Variants in FREM2 observed in about 807,000 individuals in gnomAD.
The protein encoded by FREM2 is FRAS1 related extracellular matrix 2, also known as FRAS1-related extracellular matrix protein 2.
A neutral mutation model predicts 219.9 loss-of-function variants in FREM2; 119 were observed. The ratio of observed to expected loss-of-function variants is 0.54; its 90% CI spans 0.47 to 0.63. The LOEUF is 0.63. Ranked by LOEUF, FREM2 falls within the 30% of genes least tolerant of loss-of-function variation. The probability of loss-of-function intolerance (pLI) is 0.00; values close to 1 mark genes in which losing one functional copy is unlikely to be tolerated. For missense variants in FREM2, 4,030 were observed against 3,993.6 expected, an observed-to-expected ratio of 1.01 and a Z score of -0.25; for synonymous variants, 1,562 against 1,522.8, an observed-to-expected ratio of 1.03 and a Z score of -0.60.
chr13:38,692,609 C>T (rs1392880063), intron 1 of FREM2, 92 bp downstream of exon 1: 3 of 1,438,248 alleles, frequency 2.1e-6, no homozygotes, highest in Admixed American at 1.7e-5. Context: ...AATTAGAGTC[C>T]AAGAGAAGGA....
rs530758480 is a variant in FREM2 at position 38,867,531 on chromosome 13, C to T, written c.7983+2925C>T. Among the ~76,000 whole-genome samples, 14 of 152,202 alleles carry T rather than the reference C, an allele frequency of 9.2e-5. No homozygotes were observed. The South Asian group carries it at 1.5e-3, about 16-fold the overall frequency. On this transcript the variant is annotated intron_variant, in intron 16 of 23. Transcript: ENST00000280481. ...TCAGGGTTCTCCCCAGAGACAGAAC[C>T]AATAGAATAGATAGATGAGAAGGGA...
rs377575271 is a variant in FREM2 at position 38,691,722 on chromosome 13, A to G, written c.4378A>G (p.Ile1460Val). The stretch of plus-strand genomic sequence containing the variant: ...TCCTGATGAAAACTTGGTTTTTACC[A>G]TCACCAGGGCTCCCATGCGAGGTCA... ...NSPDENLVFT[I>V]TRAPMRGHLE... Residue 1460 changes from isoleucine (I) to valine (V), a missense_variant, in exon 1 of 24, where the codon ATC becomes GTC. Physicochemically the swap from Ile to Val is conservative, Grantham distance 29. Around this residue, in one of 2 missense-constraint regions of FREM2, gnomAD observed 3,102 missense variants for 2,950.7 expected, o/e 1.05. Transcript: ENST00000280481. The G allele has an allele frequency of 4.3e-5, 70 of 1,613,588 alleles. No homozygotes were observed. Among genetic ancestry groups the G allele is most frequent in the East Asian group, 8.9e-5 (4 of 44,886 alleles).
At position 38,857,950 on chromosome 13, in the gene FREM2, G is replaced by T. The variant is rs1468314336; in HGVS notation, c.7132G>T (p.Val2378Leu). ...DVTFPSVPQIVSLLMYDDTSK... is the reference protein window; with the variant it reads ...DVTFPSVPQILSLLMYDDTSK... ...CACTTTTCCTTCTGTCCCTCAAATT[G>T]TATCCCTGTTGATGTATGACGACAC... Residue 2378 changes from valine (V) to leucine (L), a missense_variant, in exon 13 of 24, where the codon GTA (valine) becomes TTA (leucine). By Grantham distance (32) the Val-to-Leu change is conservative (BLOSUM62 1). Coordinates refer to ENST00000280481, the MANE Select transcript of FREM2 (RefSeq NM_207361.6). 6.2e-6 allele frequency: 10 copies of T among 1,613,774 alleles called. No individual in the cohort carries two copies. The highest frequency in any genetic ancestry group is 5.5e-5 in the South Asian group (5 of 91,074).
Position 38,689,747 on chromosome 13 carries a change from G to A in FREM2, c.2403G>A (p.Gln801=), listed in dbSNP as rs145526450. 6.2e-7 allele frequency: 1 copy of A among 1,613,272 alleles called. No individual in the cohort carries two copies. Among genetic ancestry groups the A allele is most frequent in the African/African-American group, 1.3e-5 (1 of 74,916 alleles). ...TGGGCGTGGCTACTCGAGTGGCCCAGTTCCAGTTCCAGGTGGAAGACCGAG... is the reference window on the plus strand; with the variant it reads ...TGGGCGTGGCTACTCGAGTGGCCCAATTCCAGTTCCAGGTGGAAGACCGAG... ...QELGVATRVA[Q]FQFQVEDRAG... Residue 801 remains glutamine (Q), a synonymous_variant, in exon 1 of 24, where the codon CAG becomes CAA. Transcript: ENST00000280481.
chr13:38,784,952 A>G, intron 6 of FREM2, 144 bp downstream of exon 6: 3 of 923,354 alleles, frequency 3.2e-6, no homozygotes, highest in Non-Finnish European at 4.8e-6. Flanking sequence ...ATTAGGTTTC[A>G]AAGTTGGCTG....
intron 2 of FREM2, among the ~76,000 whole-genome samples, chr13:38,751,537 C>A (rs1872767531): frequency 6.6e-6 from 1 of 152,118 alleles, no homozygotes; most frequent in South Asian, 2.1e-4. Flanking sequence ...ATCCTCCATC[C>A]ACAGACCCTT....
chr13:38,761,847 G>C (rs1251805606), intron 2 of FREM2, among the ~76,000 whole-genome samples: 4 of 152,170 alleles, frequency 2.6e-5, no homozygotes, highest in African/African-American at 9.7e-5. Flanking sequence ...GGAGCTGCAA[G>C]AATCTTGGCT....
chr13:38,784,419 G>A (rs543578516), intron 5 of FREM2, 138 bp from the exon 6 acceptor site: 19 of 823,494 alleles, frequency 2.3e-5, no homozygotes, highest in East Asian at 1.0e-4. Context: ...AGAACAGTAC[G>A]TAGTTGCTAT....
At chr13:38,809,566 C>T (rs1259221488) in intron 6 of FREM2, among the ~76,000 whole-genome samples, 1 of 152,022 alleles carries the variant, frequency 6.6e-6, no homozygotes, top group East Asian at 1.9e-4. Context: ...TTTCCCAGAA[C>T]AATTTATTGA....
chr13:38,736,895 C>G (rs934027227), intron 2 of FREM2, among the ~76,000 whole-genome samples: 8 of 148,448 alleles, frequency 5.4e-5, no homozygotes, highest in African/African-American at 2.0e-4. Context: ...CTTTTTTTTT[C>G]TTTCTGTTTT....
rs1352225307 is a variant in FREM2, at chr13:38,878,338, A to G, written c.8859+17A>G. 1 of 1,588,890 alleles carries G rather than the reference A, an allele frequency of 6.3e-7. No homozygotes were observed. The highest frequency in any genetic ancestry group is 8.6e-7 in the Non-Finnish European group (1 of 1,160,646). On this transcript the variant is annotated intron_variant, in intron 22 of 23. Coordinates refer to ENST00000280481, the MANE Select transcript of FREM2 (RefSeq NM_207361.6). ...AAAATTGTGGTAAGTGCTTTGACCC[A>G]AAAAATGAGCTAGATAGATTTTTCA...
chr13:38,695,130 G>A (rs984538928), intron 1 of FREM2, among the ~76,000 whole-genome samples: 1 of 152,088 alleles, frequency 6.6e-6, no homozygotes, highest in Non-Finnish European at 1.5e-5. Flanking sequence ...TTGGCTATTA[G>A]ATTATATTTC....
chr13:38,782,389 T>TA (rs1254626847), intron 4 of FREM2, among the ~76,000 whole-genome samples: 4 of 152,194 alleles, frequency 2.6e-5, no homozygotes, highest in Non-Finnish European at 4.4e-5. Flanking sequence ...TTGACTGTGT[T>TA]AAAAAAGAAT....
At chr13:38,849,977 C>A (rs1304304030) in intron 8 of FREM2, 61 bp from the exon 9 acceptor site, 2 of 1,351,824 alleles carry the variant, frequency 1.5e-6, no homozygotes, top group Non-Finnish European at 2.1e-6. Flanking sequence ...TAAATCACAT[C>A]TTCTGAAATG....
chr13:38,783,389 C>T (rs1874198078), intron 5 of FREM2, among the ~76,000 whole-genome samples, 194 bp downstream of exon 5: 1 of 150,668 alleles, frequency 6.6e-6, no homozygotes, highest in Non-Finnish European at 1.5e-5. Context: ...TTCACTTGGT[C>T]ACTTACTGCA....
Position 38,690,414 on chromosome 13 carries a change from G to A in FREM2, c.3070G>A (p.Gly1024Ser), listed in dbSNP as rs1273421842. 8 of 1,614,170 alleles carry A rather than the reference G, an allele frequency of 5.0e-6. No homozygotes were observed. The highest frequency in any genetic ancestry group is 6.8e-6 in the Non-Finnish European group (8 of 1,180,004). The change falls in exon 1 of 24, where the codon GGC (glycine) becomes AGC (serine). Residue 1024 changes from glycine (G) to serine (S), a missense_variant. Physicochemically the swap from Gly to Ser is moderately conservative, Grantham distance 56 (BLOSUM62 0). This residue lies in a region of FREM2 where 3,102 missense variants were observed against 2,950.7 expected (regional missense o/e 1.05). Coordinates refer to ENST00000280481, the MANE Select transcript of FREM2 (RefSeq NM_207361.6). ...ATATACCCACACCAGTGGTGAGATAGGCCTATTGCCTAAAGCGGATTCTTT... is the reference window on the plus strand; with the variant it reads ...ATATACCCACACCAGTGGTGAGATAAGCCTATTGCCTAAAGCGGATTCTTT... ...VVYTHTSGEI[G>S]LLPKADSFNL...
At chr13:38,736,609 A>G (rs9576606) in intron 2 of FREM2, among the ~76,000 whole-genome samples, 18,193 of 152,212 alleles carry the variant, frequency 0.12, 1,255 homozygotes, top group Middle Eastern at 0.24. Flanking sequence ...GATCTTATAT[A>G]GTAAGACTGT....
At position 38,691,108 on chromosome 13, in the gene FREM2, A is replaced by G; in HGVS notation, c.3764A>G (p.Asp1255Gly). 1 of 1,614,138 alleles carries G rather than the reference A, an allele frequency of 6.2e-7. No individual in the cohort carries two copies. Among genetic ancestry groups the G allele is most frequent in the Non-Finnish European group, 8.5e-7 (1 of 1,180,026 alleles). The stretch of plus-strand genomic sequence containing the variant: ...GTTTTGGTCGAAAGCTTCACCTTGG[A>G]TCAGATCATAGAGAGTTCCAGCATT... ...GTVLVESFTL[D>G]QIIESSSIIY... The change falls in exon 1 of 24, where the codon GAT becomes GGT. Residue 1255 changes from aspartate (D) to glycine (G), a missense_variant. Coordinates refer to ENST00000280481, the MANE Select transcript of FREM2 (RefSeq NM_207361.6).
chr13:38,849,125 T>G (rs1477290728), intron 8 of FREM2, among the ~76,000 whole-genome samples: 2 of 152,200 alleles, frequency 1.3e-5, no homozygotes, highest in African/African-American at 4.8e-5. Flanking sequence ...TATTGGGGGT[T>G]GGGATTTCAA....
Sources: gnomAD v4.1 joint callset for allele counts (sites outside exome capture counted in the v4.1 genomes callset) on GRCh38, gnomAD v4.1.1 for gene constraint, gnomAD v4.1.1 regional missense constraint, MANE v1.5 for transcripts, NCBI Gene and HGNC (gene_info 2026-07-23, HGNC 2026-07-21) for gene names.